The following CYRIB variants were observed in gnomAD, a reference collection of about 807,000 sequenced individuals.
CYRIB encodes CYFIP-related Rac1 interactor B.
CYRIB carries 8 observed loss-of-function variants against 44.2 expected under a neutral mutation model. The ratio of observed to expected loss-of-function variants is 0.18; its 90% CI spans 0.11 to 0.33. The LOEUF (loss-of-function observed/expected upper bound fraction) is 0.33, where lower values mean the gene tolerates loss of function less well. Ranked by LOEUF, CYRIB falls within the 10% of genes least tolerant of loss-of-function variation. The pLI, the probability that CYRIB is intolerant of heterozygous loss-of-function variation, is 1.00. For missense variants in CYRIB, 185 were observed against 382.8 expected, an observed-to-expected ratio of 0.48 and a Z score of 4.31; for synonymous variants, 131 against 127.2, an observed-to-expected ratio of 1.03 and a Z score of -0.20.
rs918626576 is a variant in CYRIB at position 129,869,692 on chromosome 8, T to C, written c.195+1683A>G. Among the ~76,000 whole-genome samples, 3 of 152,238 alleles carry C rather than the reference T, an allele frequency of 2.0e-5. No homozygotes were observed. In the East Asian group the frequency reaches 5.8e-4, roughly 29 times the overall value. On this transcript the variant is annotated intron_variant, in intron 4 of 11. Transcript: ENST00000519824. ...CTTAGTTACTGAAATCTTAAGGTTT[T>C]ACTTAAGCCAATAACAATGCCAAGA...
intron 1 of CYRIB, among the ~76,000 whole-genome samples, chr8:130,011,856 T>C (rs1466497123): frequency 6.7e-6 from 1 of 150,166 alleles, no homozygotes; most frequent in Non-Finnish European, 1.5e-5. Flanking sequence ...AAAATAAAAA[T>C]AATTAAAAAA....
In CYRIB at chr8:129,947,091, T is replaced by C. The variant is rs1056345879; in HGVS notation, c.-243+23852A>G. Among the ~76,000 whole-genome samples the C allele has an allele frequency of 2.0e-5, 3 of 152,146 alleles. No individual in the cohort carries two copies. In the South Asian group the frequency reaches 6.2e-4, roughly 32 times the overall value. On this transcript the variant is annotated intron_variant, in intron 2 of 14. Transcript: ENST00000401979. Reference sequence around the variant, plus strand: ...TTTTTTTTTTGAGACAGAATCTTGCTGTGTCACCCAGGCTAGAGTGCAGTG... The same window carrying C: ...TTTTTTTTTTGAGACAGAATCTTGCCGTGTCACCCAGGCTAGAGTGCAGTG...
At chr8:129,973,529 C>T (rs1261919392) in intron 1 of CYRIB, among the ~76,000 whole-genome samples, 1 of 152,250 alleles carries the variant, frequency 6.6e-6, no homozygotes, top group African/African-American at 2.4e-5. Context: ...CCTTCCCTGA[C>T]AGCCTTTTCA....
chr8:129,990,575 G>A (rs1357591593), intron 1 of CYRIB, among the ~76,000 whole-genome samples: 9 of 151,954 alleles, frequency 5.9e-5, no homozygotes, highest in Non-Finnish European at 1.3e-4. Flanking sequence ...AGGCTAGAGT[G>A]TAGTGGCAGG....
At chr8:129,941,272 G>GTTTTTTTTTTTTTTTTT (rs551305807), upstream of CYRIB, among the ~76,000 whole-genome samples, 1 of 124,988 alleles carries the variant, frequency 8.0e-6, no homozygotes, top group Non-Finnish European at 1.7e-5. Flanking sequence ...AACTGAAGGA[G>GTTTTTTTTTTTTTTTTT]ATTTTTTTTT....
intron 11 of CYRIB, 111 bp downstream of exon 13, chr8:129,846,693 T>C: frequency 1.4e-6 from 1 of 694,206 alleles, no homozygotes; most frequent in East Asian, 3.0e-5. Context: ...ATTTCTAGCT[T>C]GAACACTTAT....
At chr8:129,880,978 GT>G (rs1056917667) in intron 2 of CYRIB, among the ~76,000 whole-genome samples, 2 of 152,056 alleles carry the variant, frequency 1.3e-5, no homozygotes, top group Admixed American at 6.6e-5. Flanking sequence ...CACATAAAAT[GT>G]TTTTGATATC....
chr8:129,855,980 G>T (rs1056032897), intron 5 of CYRIB, among the ~76,000 whole-genome samples: 10 of 152,294 alleles, frequency 6.6e-5, no homozygotes, highest in Non-Finnish European at 1.0e-4. Context: ...TAATTCAAGG[G>T]TTTATAATTC....
At chr8:129,860,146 G>A (rs1587610269) in intron 5 of CYRIB, among the ~76,000 whole-genome samples, 2 of 152,178 alleles carry the variant, frequency 1.3e-5, no homozygotes, top group South Asian at 2.1e-4. Flanking sequence ...GCTCCATGGT[G>A]CTGTTTGTGC....
At chr8:129,849,074 G>A (rs772032015) in intron 10 of CYRIB, among the ~76,000 whole-genome samples, 169 bp downstream of exon 12, 2 of 152,000 alleles carry the variant, frequency 1.3e-5, no homozygotes, top group Non-Finnish European at 2.9e-5. Flanking sequence ...CTGAATACAG[G>A]CCACAAGAAA....
intron 1 of CYRIB, among the ~76,000 whole-genome samples, chr8:130,014,240 G>A (rs956212837): frequency 1.1e-4 from 16 of 152,264 alleles, no homozygotes; most frequent in African/African-American, 3.9e-4. Context: ...CAGGAGTTCG[G>A]GCAACATGGA....
At chr8:129,944,476 T>C (rs1307235695), upstream of CYRIB, among the ~76,000 whole-genome samples, 1 of 152,110 alleles carries the variant, frequency 6.6e-6, no homozygotes, top group Non-Finnish European at 1.5e-5. Flanking sequence ...TCTTCCAATC[T>C]TTATCCATGT....
Position 129,963,024 on chromosome 8 carries a change from C to A in CYRIB, c.-243+7919G>T, listed in dbSNP as rs140466068. Reference sequence around the variant, plus strand: ...GCCTGCCACAGCGATTGGTTCAGGGCTGTGCATGTTACCCAGAAAAGACCA... The same window carrying A: ...GCCTGCCACAGCGATTGGTTCAGGGATGTGCATGTTACCCAGAAAAGACCA... On this transcript the variant is annotated intron_variant, in intron 2 of 14. Transcript: ENST00000401979. 4.5e-3 allele frequency among the ~76,000 whole-genome samples: 690 copies of A among 152,252 alleles called. 4 individuals are homozygous for A. The highest frequency in any genetic ancestry group is 0.015 in the African/African-American group (631 of 41,540).
chr8:129,849,243 A>G, exon 10 of CYRIB: 1 of 1,592,278 alleles, frequency 6.3e-7, no homozygotes, highest in South Asian at 1.2e-5. Flanking sequence ...AATAACTTAC[A>G]TCAATTTTGG....
chr8:129,956,657 C>T (rs2131539035), intron 2 of CYRIB, among the ~76,000 whole-genome samples: 1 of 152,268 alleles, frequency 6.6e-6, no homozygotes, highest in South Asian at 2.1e-4. Flanking sequence ...GCCCCTGAAT[C>T]TCATCCCTAA....
At chr8:129,931,932 T>C (rs1337829353) in intron 1 of CYRIB, among the ~76,000 whole-genome samples, 2 of 152,146 alleles carry the variant, frequency 1.3e-5, no homozygotes, top group South Asian at 2.1e-4. Context: ...TGGCACTTCT[T>C]TAAATGTCAG....
At chr8:129,984,765 G>T (rs115767069) in intron 1 of CYRIB, among the ~76,000 whole-genome samples, 7,990 of 151,832 alleles carry the variant, frequency 0.053, 200 homozygotes, top group Middle Eastern at 0.075. Context: ...AGTGGTGGGG[G>T]TTTTTTTTGT....
chr8:129,846,409 T>C (rs2040033216), intron 11 of CYRIB, among the ~76,000 whole-genome samples: 1 of 152,248 alleles, frequency 6.6e-6, no homozygotes, highest in Non-Finnish European at 1.5e-5. Flanking sequence ...GAAGGCTATA[T>C]GCTAATAGTG....
rs552617193 is a variant in CYRIB at position 129,994,544 on chromosome 8, C to T, written c.-296+21826G>A. 1.6e-4 allele frequency among the ~76,000 whole-genome samples: 24 copies of T among 152,284 alleles called. No homozygotes were observed. In the South Asian group the frequency reaches 5.0e-3, roughly 32 times the overall value. ...AGAAGCCTGGGTGTTCAAGGCACGG[C>T]ATCAGGCTGGGGGGCCATCTACCTC... is the stretch of plus-strand genomic sequence containing the variant. On this transcript the variant is annotated intron_variant, in intron 1 of 14. Transcript: ENST00000401979.
Sources: allele counts gnomAD v4.1 joint callset (sites outside exome capture counted in the v4.1 genomes callset), GRCh38; gene constraint gnomAD v4.1.1; transcripts MANE v1.5; gene names NCBI Gene and HGNC (gene_info 2026-07-23, HGNC 2026-07-21).